ALG9: variants seen among roughly 807,000 people sequenced by gnomAD.
ALG9 encodes ALG9 alpha-1,2-mannosyltransferase.
A neutral mutation model predicts 81.8 loss-of-function variants in ALG9; 55 were observed. The ratio of observed to expected loss-of-function variants is 0.67; its 90% CI spans 0.54 to 0.84. The LOEUF (loss-of-function observed/expected upper bound fraction) is 0.84. ALG9 is among the 40% of genes least tolerant of loss of function. The pLI is 0.00. For synonymous variants in ALG9, 278 were observed against 274.3 expected (o/e 1.01, Z -0.13); for missense variants, 629 against 745.0 (o/e 0.84, Z 1.81).
In ALG9 at chr11:111,841,216, A is replaced by G. The variant is rs140756062; in HGVS notation, c.1019-407T>C. ...ATTCATTTCTGGGGTTTTAATTCCAATGTTCTGTTTAATTGGTGTCTCTTA... is the reference window on the plus strand; with the variant it reads ...ATTCATTTCTGGGGTTTTAATTCCAGTGTTCTGTTTAATTGGTGTCTCTTA... On this transcript the variant is annotated intron_variant, in intron 9 of 14. Coordinates refer to ENST00000616540, the MANE Select transcript of ALG9 (RefSeq NM_024740.2). Among the ~76,000 whole-genome samples, 512 of 152,312 alleles carry G rather than the reference A, an allele frequency of 3.4e-3. 5 individuals are homozygous for G. Among genetic ancestry groups the G allele is most frequent in the African/African-American group, 0.011 (465 of 41,560 alleles).
intron 14 of ALG9, among the ~76,000 whole-genome samples, chr11:111,789,988 T>A (rs367715553): frequency 8.6e-5 from 13 of 151,516 alleles, no homozygotes; most frequent in African/African-American, 2.2e-4. Flanking sequence ...GAAAAAAAAA[T>A]TTCCTGATCA....
rs1267332521 is a variant in ALG9 at position 111,784,708 on chromosome 11, ACT to A, written c.*1687_*1688del. On this transcript the variant is annotated 3_prime_UTR_variant, in exon 15 of 15. Transcript: ENST00000616540. Reference sequence around the variant, plus strand: ...ACTCCAGCATGGGCGACAGAATGAGACTCTGTCTCAAAAAAAAAAAGAAAAAT... The same window carrying A: ...ACTCCAGCATGGGCGACAGAATGAGACTGTCTCAAAAAAAAAAAGAAAAAT... 6.6e-6 allele frequency: 1 copy of A among 150,472 alleles called. No individual in the cohort carries two copies. Among genetic ancestry groups the A allele is most frequent in the Non-Finnish European group, 1.5e-5 (1 of 67,856 alleles). The allele number at this position is 150,472 out of a possible 1,614,324, so 9.3% of individuals were successfully genotyped here.
rs576556435 is a variant in ALG9, at chr11:111,808,023, T to C, written c.1733+1620A>G. On this transcript the variant is annotated intron_variant, in intron 14 of 14. Transcript: ENST00000616540. ...AGGTAGAGGTTACAGTGAGCTGAGA[T>C]TGTGCCTCTGCATTCCAGCGTCGTG... 1.1e-4 allele frequency among the ~76,000 whole-genome samples: 17 copies of C among 152,272 alleles called. No homozygotes were observed. The South Asian group carries it at 3.5e-3, about 32-fold the overall frequency.
At chr11:111,861,286 T>C (rs953303785) in intron 4 of ALG9, among the ~76,000 whole-genome samples, 14 of 152,238 alleles carry the variant, frequency 9.2e-5, no homozygotes, top group Admixed American at 6.5e-4. Flanking sequence ...CAGTCAATGT[T>C]TGTTCGGACA....
At chr11:111,857,941 C>A in intron 5 of ALG9, 1 of 580,430 alleles carries the variant, frequency 1.7e-6, no homozygotes, top group African/African-American at 1.9e-5. Flanking sequence ...ATTTTTCTCA[C>A]TCCTGGTTTT....
At chr11:111,837,395 T>C in intron 12 of ALG9, 73 bp downstream of exon 12, 4 of 1,569,572 alleles carry the variant, frequency 2.5e-6, no homozygotes, top group Non-Finnish European at 3.5e-6. Context: ...AAAACAAAAA[T>C]TAGAAGACAC....
chr11:111,825,004 C>A (rs1952992197), intron 13 of ALG9, among the ~76,000 whole-genome samples: 1 of 151,918 alleles, frequency 6.6e-6, no homozygotes, highest in African/African-American at 2.4e-5. Flanking sequence ...AGTGAGGACA[C>A]AAATCTGCCA....
intron 2 of ALG9, 144 bp downstream of exon 2, chr11:111,870,088 A>C: frequency 1.0e-6 from 1 of 987,748 alleles, no homozygotes; most frequent in African/African-American, 1.7e-5. Context: ...CTGGGATTAT[A>C]GGCCTGTTTT....
At chr11:111,795,199 C>T (rs921857849) in intron 14 of ALG9, among the ~76,000 whole-genome samples, 1 of 152,154 alleles carries the variant, frequency 6.6e-6, no homozygotes, top group Non-Finnish European at 1.5e-5. Context: ...AATGAATGAG[C>T]GCCTATGCTC....
chr11:111,769,770 T>C, the ALG9 span, among the ~76,000 whole-genome samples: 2 of 152,334 alleles, frequency 1.3e-5, no homozygotes, highest in East Asian at 3.9e-4. Context: ...GATGCTAAAC[T>C]ACTTTGTTTA....
chr11:111,860,555 G>A lies in ALG9; in HGVS notation c.557C>T (p.Ser186Leu), dbSNP rs1275728729. ...TCTGCCCTTTTACTTACCTGATGAT[G>A]AGCAAAACATGCCAGTGCTGAGAAC... is the stretch of plus-strand genomic sequence containing the variant. The part of the protein sequence containing the change: ...FLVLSTGMFC[S>L]SSAFLPSSFC... Residue 186 changes from serine (S) to leucine (L), a missense_variant, in exon 5 of 15, where the codon TCA becomes TTA. Transcript: ENST00000616540. 1.2e-6 allele frequency: 2 copies of A among 1,613,998 alleles called. No individual in the cohort carries two copies. Among genetic ancestry groups the A allele is most frequent in the South Asian group, 1.1e-5 (1 of 91,052 alleles).
At chr11:111,856,642 T>TA (rs1958737227) in intron 6 of ALG9, among the ~76,000 whole-genome samples, 1 of 150,964 alleles carries the variant, frequency 6.6e-6, no homozygotes, top group South Asian at 2.1e-4. Flanking sequence ...TTTTTTTTTT[T>TA]ACAATAAAGA....
At chr11:111,833,936 C>T (rs1414207921) in intron 13 of ALG9, among the ~76,000 whole-genome samples, 3 of 152,144 alleles carry the variant, frequency 2.0e-5, no homozygotes, top group East Asian at 3.8e-4. Flanking sequence ...GATTTTCTAG[C>T]CAGCTTTCTC....
chr11:111,839,342 T>C (rs909482848), intron 10 of ALG9, among the ~76,000 whole-genome samples: 4 of 151,830 alleles, frequency 2.6e-5, no homozygotes, highest in African/African-American at 9.7e-5. Context: ...TCCCAGCACT[T>C]TGGGAGGCCG....
chr11:111,829,859 T>C (rs1954045484), intron 13 of ALG9, among the ~76,000 whole-genome samples: 1 of 152,224 alleles, frequency 6.6e-6, no homozygotes. Flanking sequence ...AGTACTCATC[T>C]CTTCCAGGAC....
intron 3 of ALG9, among the ~76,000 whole-genome samples, chr11:111,868,256 T>G (rs1165048102): frequency 1.3e-5 from 2 of 152,216 alleles, no homozygotes; most frequent in Non-Finnish European, 2.9e-5. Flanking sequence ...CTCAGCACTC[T>G]ACTTAAATTA....
intron 13 of ALG9, among the ~76,000 whole-genome samples, chr11:111,834,747 C>T (rs1954948672): frequency 1.3e-5 from 2 of 152,280 alleles, no homozygotes; most frequent in African/African-American, 2.4e-5. Context: ...TATTTTCCCA[C>T]CCTTTGACTG....
At chr11:111,862,112 C>T (rs1484339089) in intron 4 of ALG9, among the ~76,000 whole-genome samples, 3 of 152,112 alleles carry the variant, frequency 2.0e-5, no homozygotes, top group Non-Finnish European at 4.4e-5. Flanking sequence ...TTTTTCCCAT[C>T]ATTTCTAGAA....
chr11:111,773,127 A>T, the ALG9 span, among the ~76,000 whole-genome samples: 3 of 152,176 alleles, frequency 2.0e-5, no homozygotes, highest in African/African-American at 7.2e-5. Context: ...GGCTCACTGA[A>T]TCTGATGCCC....
Sources: allele counts gnomAD v4.1 joint callset (sites outside exome capture counted in the v4.1 genomes callset), GRCh38; gene constraint gnomAD v4.1.1; transcripts MANE v1.5; gene names NCBI Gene and HGNC (gene_info 2026-07-23, HGNC 2026-07-21).